The following ZNF98 variants were observed in gnomAD, a reference collection of about 807,000 sequenced individuals.
ZNF98 encodes the protein zinc finger protein 739.
In ZNF98, 8 loss-of-function variants were observed where a neutral mutation model predicts 12.8. That is an observed-to-expected ratio of 0.63 (90% CI 0.37 to 1.13). ZNF98 has a LOEUF of 1.13. Ranked by LOEUF, ZNF98 falls within the 50% of genes most tolerant of loss-of-function variation. The pLI, the probability that ZNF98 is intolerant of heterozygous loss-of-function variation, is 0.01. For synonymous variants in ZNF98, 112 were observed against 223.5 expected (o/e 0.50, Z 4.45); for missense variants, 379 against 666.1 (o/e 0.57, Z 4.74).
intron 2 of ZNF98, 113 bp downstream of exon 2, chr19:22,403,273 A>AC (rs1196350470): frequency 0.026 from 27,267 of 1,040,576 alleles, 165 homozygotes; most frequent in Non-Finnish European, 0.03. Flanking sequence ...AAAAAAAACA[A>AC]AAAAAAAAAA....
chr19:22,402,167 C>T (rs1969465685), intron 3 of ZNF98, among the ~76,000 whole-genome samples: 1 of 107,276 alleles, frequency 9.3e-6, no homozygotes, highest in Non-Finnish European at 1.7e-5. Flanking sequence ...CAGAGCAAGA[C>T]TCCATCTCAA....
intron 1 of ZNF98, 98 bp downstream of exon 1, chr19:22,422,097 G>A: frequency 6.2e-6 from 9 of 1,459,398 alleles, no homozygotes; most frequent in Non-Finnish European, 8.6e-6. Context: ...GGATTGTGGA[G>A]CTGACAGCGG....
At chr19:22,400,894 A>G (rs1354703693) in intron 3 of ZNF98, among the ~76,000 whole-genome samples, 1 of 144,500 alleles carries the variant, frequency 6.9e-6, no homozygotes, top group Non-Finnish European at 1.5e-5. Context: ...TGGAGGTTGC[A>G]GTGAGCCGAG....
Position 22,422,324 on chromosome 19 carries a change from C to A in ZNF98, c.-100G>T, listed in dbSNP as rs1036362948. 3 of 1,423,180 alleles carry A rather than the reference C, an allele frequency of 2.1e-6. No homozygotes were observed. In the East Asian group the frequency reaches 7.2e-5, roughly 34 times the overall value. The allele number at this position is 1,423,180 out of a possible 1,614,324, so 88.2% of individuals were successfully genotyped here. A position where few individuals can be genotyped will look rare whatever the true frequency, so the allele number is the denominator to read the frequency against. On this transcript the variant is annotated 5_prime_UTR_variant, in exon 1 of 4. Transcript: ENST00000357774. Reference sequence around the variant, plus strand: ...AGGGCGAAGACGAGACCAGGAACTCCGGCTGCAGCGAGAGACAAAGACCCC... The same window carrying A: ...AGGGCGAAGACGAGACCAGGAACTCAGGCTGCAGCGAGAGACAAAGACCCC...
intron 3 of ZNF98, among the ~76,000 whole-genome samples, chr19:22,400,446 G>A (rs1037283189): frequency 2.0e-5 from 3 of 151,966 alleles, no homozygotes; most frequent in Non-Finnish European, 2.9e-5. Flanking sequence ...GCCCTACAGA[G>A]CAAAGTCCTG....
intron 1 of ZNF98, among the ~76,000 whole-genome samples, chr19:22,421,096 A>G (rs970114164): frequency 6.6e-6 from 1 of 152,188 alleles, no homozygotes; most frequent in Admixed American, 6.5e-5. Flanking sequence ...CCAGTAACTT[A>G]CTATAGCAGC....
At chr19:22,395,183 A>AG (rs1640097056) in intron 3 of ZNF98, among the ~76,000 whole-genome samples, 1 of 151,096 alleles carries the variant, frequency 6.6e-6, no homozygotes, top group Admixed American at 6.6e-5. Flanking sequence ...AAAAAGAAAA[A>AG]AAAAAAAAAA....
At chr19:22,408,860 C>T (rs1969550396) in intron 1 of ZNF98, among the ~76,000 whole-genome samples, 1 of 152,110 alleles carries the variant, frequency 6.6e-6, no homozygotes, top group African/African-American at 2.4e-5. Context: ...GGCCATACTG[C>T]CCAAAGTAAT....
chr19:22,393,900 C>CT, intron 3 of ZNF98, among the ~76,000 whole-genome samples: 1 of 151,888 alleles, frequency 6.6e-6, no homozygotes, highest in Non-Finnish European at 1.5e-5. Flanking sequence ...GAACAGGCAA[C>CT]CTACAGAATG....
intron 1 of ZNF98, among the ~76,000 whole-genome samples, chr19:22,406,642 C>A (rs1969522501): frequency 6.6e-6 from 1 of 151,826 alleles, no homozygotes; most frequent in Non-Finnish European, 1.5e-5. Flanking sequence ...ACGGTGAAAC[C>A]CTGTCTCTAC....
chr19:22,416,054 G>A (rs1368419086), intron 1 of ZNF98, among the ~76,000 whole-genome samples: 1 of 151,050 alleles, frequency 6.6e-6, no homozygotes, highest in African/African-American at 2.4e-5. Flanking sequence ...TGAGGCAGGA[G>A]AACAGCTTGA....
intron 1 of ZNF98, among the ~76,000 whole-genome samples, chr19:22,420,287 A>C (rs145087768): frequency 0.015 from 2,351 of 152,304 alleles, 72 homozygotes; most frequent in African/African-American, 0.054. Context: ...CTCTCTTAGG[A>C]GACAGTGCAC....
At chr19:22,415,833 G>A (rs752957880) in intron 1 of ZNF98, among the ~76,000 whole-genome samples, 1 of 149,764 alleles carries the variant, frequency 6.7e-6, no homozygotes, top group African/African-American at 2.5e-5. Flanking sequence ...AGTGGCTCAC[G>A]CCTGTAATCC....
chr19:22,400,793 A>C (rs1432781178), intron 3 of ZNF98, among the ~76,000 whole-genome samples: 1 of 150,944 alleles, frequency 6.6e-6, no homozygotes, highest in Non-Finnish European at 1.5e-5. Flanking sequence ...TCTCTACTAA[A>C]AATATAAAAA....
rs759722171 is a variant in ZNF98 at position 22,391,778 on chromosome 19, C to A, written c.1457G>T (p.Gly486Val). The A allele has an allele frequency of 6.2e-6, 10 of 1,602,304 alleles. No homozygotes were observed. The South Asian group carries it at 1.1e-4, about 18-fold the overall frequency. Reference sequence around the variant, plus strand: ...TTCTTCACATTTGTAGGGCTTCTCTCCAGTATGAATTACCTTATGTTTAGA... The same window carrying A: ...TTCTTCACATTTGTAGGGCTTCTCTACAGTATGAATTACCTTATGTTTAGA... Reference protein sequence around the residue: ...TLSKHKVIHTGEKPYKCEECG... With the variant: ...TLSKHKVIHTVEKPYKCEECG... The change falls in exon 4 of 4, where the codon GGA (glycine) becomes GTA (valine). Residue 486 changes from glycine (G) to valine (V), a missense_variant. Physicochemically the swap from Gly to Val is moderately radical, Grantham distance 109. Transcript: ENST00000357774.
chr19:22,396,198 A>G (rs1234873022), intron 3 of ZNF98, among the ~76,000 whole-genome samples: 5 of 152,190 alleles, frequency 3.3e-5, no homozygotes, highest in African/African-American at 1.2e-4. Context: ...CAGAAATTAT[A>G]AACATCTGTT....
At chr19:22,418,123 C>A (rs780217741) in intron 1 of ZNF98, among the ~76,000 whole-genome samples, 4 of 152,278 alleles carry the variant, frequency 2.6e-5, no homozygotes, top group Non-Finnish European at 5.9e-5. Context: ...AATTCTGACA[C>A]CACCCAGAGT....
chr19:22,404,175 G>A lies in ZNF98; in HGVS notation c.31-663C>T, dbSNP rs796682671. On this transcript the variant is annotated intron_variant, in intron 1 of 3. Coordinates refer to ENST00000357774, the MANE Select transcript of ZNF98 (RefSeq NM_001098626.2). ...GCGGAGCTTGCAGTGAGCTGAAATCGCGCCACTACACTCCAGCCTGGGTGA... is the reference window on the plus strand; with the variant it reads ...GCGGAGCTTGCAGTGAGCTGAAATCACGCCACTACACTCCAGCCTGGGTGA... Among the ~76,000 whole-genome samples the A allele has an allele frequency of 4.6e-5, 7 of 152,330 alleles. No homozygotes were observed. The South Asian group carries it at 1.4e-3, about 32-fold the overall frequency.
Position 22,397,206 on chromosome 19 carries a change from G to A in ZNF98, c.254-4225C>T, listed in dbSNP as rs563626673. The stretch of plus-strand genomic sequence containing the variant: ...TATGTACATCTGTGTGTGTGTGTGT[G>A]TGTTTTTGTGTGTGTGTGTGTGTGT... On this transcript the variant is annotated intron_variant, in intron 3 of 3. Coordinates refer to ENST00000357774, the MANE Select transcript of ZNF98 (RefSeq NM_001098626.2). Among the ~76,000 whole-genome samples the A allele has an allele frequency of 7.1e-4, 54 of 75,640 alleles. 2 individuals carry two copies. In the East Asian group the frequency reaches 0.024, roughly 34 times the overall value. 49.6% of individuals were successfully genotyped at this position (75,640 alleles called of 152,430 possible).
Sources: gnomAD v4.1 joint callset for allele counts (sites outside exome capture counted in the v4.1 genomes callset) on GRCh38, gnomAD v4.1.1 for gene constraint, MANE v1.5 for transcripts, NCBI Gene and HGNC (gene_info 2026-07-23, HGNC 2026-07-21) for gene names.